VTI1A: variants seen among roughly 807,000 people sequenced by gnomAD.
VTI1A encodes the protein vesicle transport through interaction with t-SNAREs 1A.
Under a neutral mutation model 34.9 loss-of-function variants are expected in VTI1A, and 22 were observed. The observed-to-expected ratio is 0.63, with a 90% CI of 0.45 to 0.90. VTI1A has a LOEUF of 0.90. VTI1A is among the 40% of genes least tolerant of loss of function. The pLI is 0.00. For missense variants in VTI1A, 268 were observed against 275.6 expected, an observed-to-expected ratio of 0.97 and a Z score of 0.20; for synonymous variants, 87 against 97.3, an observed-to-expected ratio of 0.89 and a Z score of 0.62.
intron 7 of VTI1A, among the ~76,000 whole-genome samples, chr10:112,697,866 A>ATGTGTGTGTGTGTGTGTGTGTGTGTG (rs67142519): frequency 6.7e-5 from 9 of 134,822 alleles, no homozygotes; most frequent in Non-Finnish European, 1.2e-4. Flanking sequence ...TAGCATTTAC[A>ATGTGTGTGTGTGTGTGTGTGTGTGTG]TGTGTGTGTG....
At chr10:112,634,722 CT>C (rs1351497854) in intron 5 of VTI1A, among the ~76,000 whole-genome samples, 10 of 152,138 alleles carry the variant, frequency 6.6e-5, no homozygotes, top group Admixed American at 5.9e-4. Context: ...ACGTAATTAT[CT>C]TTTTTGACTC....
At chr10:112,600,660 G>A (rs1844843234) in intron 5 of VTI1A, among the ~76,000 whole-genome samples, 1 of 152,026 alleles carries the variant, frequency 6.6e-6, no homozygotes, top group African/African-American at 2.4e-5. Context: ...TGGGTTTATT[G>A]TCTTTTCTTC....
rs1479471441 is a variant in VTI1A, at chr10:112,547,019, G to A, written c.427+8689G>A. On this transcript the variant is annotated intron_variant, in intron 5 of 7. Transcript: ENST00000393077. ...CTGCAGGCTGGCAGCAGTGGCTTAC[G>A]CTTATAATCCCAGCACTTCAAGAGG... Among the ~76,000 whole-genome samples, 5 of 152,230 alleles carry A rather than the reference G, an allele frequency of 3.3e-5. 1 individual carries two copies. The highest frequency in any genetic ancestry group is 1.5e-5 in the Non-Finnish European group (1 of 68,012).
At chr10:112,811,712 AG>A (rs1853318215) in intron 7 of VTI1A, among the ~76,000 whole-genome samples, 1 of 84,062 alleles carries the variant, frequency 1.2e-5, no homozygotes, top group Non-Finnish European at 2.3e-5. Context: ...AAAAAAAAAA[AG>A]AGTGCAGTCC....
chr10:112,826,258 G>A, the VTI1A span: 1 of 152,152 alleles, frequency 6.6e-6, no homozygotes, highest in Non-Finnish European at 1.5e-5. Context: ...AGAAACCAGT[G>A]TGTGGTGCCA....
intron 7 of VTI1A, among the ~76,000 whole-genome samples, chr10:112,681,913 T>C (rs1245127861): frequency 6.6e-6 from 1 of 152,156 alleles, no homozygotes; most frequent in Non-Finnish European, 1.5e-5. Flanking sequence ...AAATACTGAA[T>C]CTTTTCATGT....
intron 5 of VTI1A, among the ~76,000 whole-genome samples, chr10:112,581,443 C>G (rs529151847): frequency 1.2e-4 from 19 of 152,248 alleles, no homozygotes; most frequent in Non-Finnish European, 2.5e-4. Flanking sequence ...TCATAAAAAT[C>G]ACCTTGTGTA....
chr10:112,750,509 G>A (rs1851063113), intron 7 of VTI1A, among the ~76,000 whole-genome samples: 1 of 152,062 alleles, frequency 6.6e-6, no homozygotes, highest in Non-Finnish European at 1.5e-5. Flanking sequence ...ACCACACCTA[G>A]CCAAGACTGA....
chr10:112,619,529 G>A (rs1016865556), intron 5 of VTI1A, among the ~76,000 whole-genome samples: 1 of 152,302 alleles, frequency 6.6e-6, no homozygotes, highest in East Asian at 1.9e-4. Flanking sequence ...GCCCCCAAGC[G>A]ACAGGGCTGG....
At chr10:112,522,196 G>GA (rs560309104) in intron 3 of VTI1A, among the ~76,000 whole-genome samples, 62 of 152,168 alleles carry the variant, frequency 4.1e-4, no homozygotes, top group African/African-American at 1.4e-3. Flanking sequence ...CTTTGGCTAT[G>GA]AAAGCATGCA....
chr10:112,573,971 T>C (rs1208594541), intron 5 of VTI1A, among the ~76,000 whole-genome samples: 8 of 152,206 alleles, frequency 5.3e-5, no homozygotes, highest in Non-Finnish European at 1.0e-4. Flanking sequence ...AGTACATTGT[T>C]AAAAGGTTAG....
At chr10:112,754,713 C>T (rs1004415292) in intron 7 of VTI1A, among the ~76,000 whole-genome samples, 1 of 152,186 alleles carries the variant, frequency 6.6e-6, no homozygotes, top group African/African-American at 2.4e-5. Context: ...TATGCCCTGG[C>T]AGCTGGCCAG....
chr10:112,811,356 C>T (rs1197543773), intron 7 of VTI1A, among the ~76,000 whole-genome samples: 1 of 152,200 alleles, frequency 6.6e-6, no homozygotes, highest in Non-Finnish European at 1.5e-5. Flanking sequence ...AACTTTTGCT[C>T]TCATTTCTTT....
intron 5 of VTI1A, among the ~76,000 whole-genome samples, chr10:112,644,571 A>G (rs1846701849): frequency 6.6e-6 from 1 of 152,182 alleles, no homozygotes; most frequent in South Asian, 2.1e-4. Flanking sequence ...TGGTTTGAAA[A>G]AGAAGAGGAG....
At chr10:112,576,262 C>T (rs1328393375) in intron 5 of VTI1A, among the ~76,000 whole-genome samples, 1 of 151,734 alleles carries the variant, frequency 6.6e-6, no homozygotes, top group African/African-American at 2.4e-5. Context: ...CCTCGTGATC[C>T]GCCCCGCTCG....
At chr10:112,754,810 C>T (rs975592020) in intron 7 of VTI1A, among the ~76,000 whole-genome samples, 5 of 152,106 alleles carry the variant, frequency 3.3e-5, no homozygotes, top group African/African-American at 4.8e-5. Context: ...AAACTAGAAT[C>T]GGTCTAGGAA....
chr10:112,579,921 G>C (rs938578424), intron 5 of VTI1A, among the ~76,000 whole-genome samples: 11 of 152,292 alleles, frequency 7.2e-5, no homozygotes, highest in African/African-American at 2.6e-4. Context: ...CAAACAGGTA[G>C]GAAGTGGTGG....
At chr10:112,776,866 C>T (rs1052669601) in intron 7 of VTI1A, among the ~76,000 whole-genome samples, 5 of 151,726 alleles carry the variant, frequency 3.3e-5, no homozygotes, top group African/African-American at 9.7e-5. Context: ...TTAGTATAGA[C>T]GGGGTTTCAC....
At chr10:112,460,221 C>T (rs1847686837) in intron 1 of VTI1A, among the ~76,000 whole-genome samples, 1 of 152,194 alleles carries the variant, frequency 6.6e-6, no homozygotes, top group Non-Finnish European at 1.5e-5. Flanking sequence ...CAGCACAAAT[C>T]TGCTCTTGTT....
Sources: allele counts gnomAD v4.1 joint callset (sites outside exome capture counted in the v4.1 genomes callset), GRCh38; gene constraint gnomAD v4.1.1; transcripts MANE v1.5; gene names NCBI Gene and HGNC (gene_info 2026-07-23, HGNC 2026-07-21).